Variants in DLC1 observed in about 807,000 individuals in gnomAD.
DLC1 encodes the protein rho GTPase-activating protein 7.
In DLC1, 54 loss-of-function variants were observed where a neutral mutation model predicts 140.3. That is an observed-to-expected ratio of 0.38 (90% CI 0.31 to 0.48). The LOEUF is 0.48. DLC1 is among the 20% of genes least tolerant of loss of function. The pLI, the probability that DLC1 is intolerant of heterozygous loss-of-function variation, is 0.96. For missense variants in DLC1, 2,536 were observed against 1,907.0 expected, an observed-to-expected ratio of 1.33 and a Z score of -6.14; for synonymous variants, 986 against 728.1, an observed-to-expected ratio of 1.35 and a Z score of -5.70.
intron 4 of DLC1, among the ~76,000 whole-genome samples, chr8:13,337,772 G>A (rs1833867774): frequency 6.6e-6 from 1 of 152,088 alleles, no homozygotes; most frequent in African/African-American, 2.4e-5. Flanking sequence ...TTGTTTAACA[G>A]GGATAGATTC....
intron 5 of DLC1, among the ~76,000 whole-genome samples, chr8:13,157,950 A>T (rs1427189846): frequency 6.6e-6 from 1 of 152,246 alleles, no homozygotes; most frequent in African/African-American, 2.4e-5. Context: ...AGTTTACAGT[A>T]GTAGAATTCT....
At chr8:13,242,048 T>C (rs1447069978) in intron 5 of DLC1, among the ~76,000 whole-genome samples, 1 of 152,164 alleles carries the variant, frequency 6.6e-6, no homozygotes, top group African/African-American at 2.4e-5. Flanking sequence ...TCAGCTCTTT[T>C]TAACTAGGAG....
At chr8:13,185,069 G>T (rs1174706575) in intron 5 of DLC1, among the ~76,000 whole-genome samples, 1 of 143,558 alleles carries the variant, frequency 7.0e-6, no homozygotes, top group African/African-American at 2.6e-5. Context: ...TGTCTCTTTT[G>T]ATCTTTATTG....
chr8:13,450,452 CA>C (rs759911909), intron 2 of DLC1, among the ~76,000 whole-genome samples: 858 of 53,302 alleles, frequency 0.016, 3 homozygotes, highest in African/African-American at 0.033. Context: ...GAGACTGTCT[CA>C]AAAAAAAAAA....
intron 1 of DLC1, among the ~76,000 whole-genome samples, chr8:13,574,113 G>A (rs1241074735): frequency 1.3e-5 from 2 of 152,114 alleles, no homozygotes; most frequent in Admixed American, 6.5e-5. Context: ...GTTCTGAGTA[G>A]CTGTTTTCTG....
chr8:13,150,517 G>T (rs534977274), intron 5 of DLC1, among the ~76,000 whole-genome samples: 2 of 152,276 alleles, frequency 1.3e-5, no homozygotes, highest in East Asian at 1.9e-4. Context: ...TACAGACAGG[G>T]ATTGTGAGAC....
chr8:13,211,309 C>T (rs1468822060), intron 5 of DLC1, among the ~76,000 whole-genome samples: 1 of 152,142 alleles, frequency 6.6e-6, no homozygotes, highest in Non-Finnish European at 1.5e-5. Flanking sequence ...GCTACTTTGC[C>T]TAGGGGTAGC....
intron 5 of DLC1, among the ~76,000 whole-genome samples, chr8:13,190,880 C>G (rs1004274266): frequency 6.6e-6 from 1 of 152,132 alleles, no homozygotes; most frequent in African/African-American, 2.4e-5. Flanking sequence ...GGGCCACTAA[C>G]TCCGTTTCCA....
intron 2 of DLC1, among the ~76,000 whole-genome samples, chr8:13,451,037 C>CAATA (rs1799018189): frequency 5.4e-5 from 1 of 18,380 alleles, no homozygotes; most frequent in African/African-American, 1.1e-4. Flanking sequence ...GACTCCGTCT[C>CAATA]AAAAAAAAAA....
chr8:13,148,081 G>A (rs1332823539), intron 5 of DLC1, among the ~76,000 whole-genome samples: 1 of 151,984 alleles, frequency 6.6e-6, no homozygotes, highest in Non-Finnish European at 1.5e-5. Context: ...ACTGTTTTGT[G>A]TTGTGCTGTG....
intron 1 of DLC1, among the ~76,000 whole-genome samples, chr8:13,523,967 A>T (rs938973411): frequency 1.3e-5 from 2 of 151,606 alleles, no homozygotes; most frequent in South Asian, 2.1e-4. Flanking sequence ...TAAGTAGGAG[A>T]GAGGGGATGG....
chr8:13,100,555 G>A lies in DLC1; in HGVS notation c.1782C>T (p.Val594=). ...GGCTGCCAGTGCTGCTGAGGCTGCGGACGGAAGACACCTCCTGGCGCTCGC... is the reference window on the plus strand; with the variant it reads ...GGCTGCCAGTGCTGCTGAGGCTGCGAACGGAAGACACCTCCTGGCGCTCGC... ...DLSERQEVSS[V]RSLSSTGSLP... The change falls in exon 9 of 18, where the codon GTC becomes GTT. Residue 594 remains valine, a synonymous_variant. Coordinates refer to ENST00000276297, the MANE Select transcript of DLC1 (RefSeq NM_182643.3). 6.2e-7 allele frequency: 1 copy of A among 1,613,410 alleles called. No homozygotes were observed. The highest frequency in any genetic ancestry group is 2.2e-5 in the East Asian group (1 of 44,860).
intron 5 of DLC1, among the ~76,000 whole-genome samples, chr8:13,227,797 A>G (rs934212653): frequency 6.6e-6 from 1 of 152,238 alleles, no homozygotes; most frequent in Non-Finnish European, 1.5e-5. Flanking sequence ...TTTACTTTTC[A>G]TCTCACATTT....
intron 4 of DLC1, among the ~76,000 whole-genome samples, chr8:13,372,561 A>G (rs1835774774): frequency 6.6e-6 from 1 of 152,166 alleles, no homozygotes; most frequent in South Asian, 2.1e-4. Context: ...CTGATGAAAC[A>G]CTGGGGCTGA....
chr8:13,239,353 G>A (rs776392172), intron 5 of DLC1, among the ~76,000 whole-genome samples: 2 of 151,914 alleles, frequency 1.3e-5, no homozygotes, highest in African/African-American at 2.4e-5. Flanking sequence ...GAATTGCTAC[G>A]AGATATGTGG....
chr8:13,272,389 G>A (rs959429029), intron 5 of DLC1, among the ~76,000 whole-genome samples: 6 of 151,954 alleles, frequency 3.9e-5, no homozygotes, highest in African/African-American at 7.3e-5. Flanking sequence ...TGCAGTGAGC[G>A]GAGATCATGC....
At chr8:13,370,753 A>G (rs897257932) in intron 4 of DLC1, among the ~76,000 whole-genome samples, 2 of 152,118 alleles carry the variant, frequency 1.3e-5, no homozygotes, top group African/African-American at 4.8e-5. Flanking sequence ...GGGTGGCAAG[A>G]TGTGTACAGC....
At chr8:13,293,561 C>T (rs117785227) in intron 5 of DLC1, among the ~76,000 whole-genome samples, 6,506 of 152,284 alleles carry the variant, frequency 0.043, 190 homozygotes, top group South Asian at 0.067. Context: ...TTCTTGAGCA[C>T]CTCCTCTGTG....
intron 5 of DLC1, among the ~76,000 whole-genome samples, chr8:13,209,268 C>T (rs998007317): frequency 6.6e-6 from 1 of 152,060 alleles, no homozygotes; most frequent in Admixed American, 6.6e-5. Flanking sequence ...TCTATAAAGA[C>T]TCATCTCAAG....
Sources: allele counts gnomAD v4.1 joint callset (sites outside exome capture counted in the v4.1 genomes callset), GRCh38; gene constraint gnomAD v4.1.1; transcripts MANE v1.5; gene names NCBI Gene and HGNC (gene_info 2026-07-23, HGNC 2026-07-21).